XPNPEP1: variants seen among roughly 807,000 people sequenced by gnomAD.
XPNPEP1 encodes the protein X-prolyl aminopeptidase 1, also known as xaa-Pro aminopeptidase 1.
In XPNPEP1, 39 loss-of-function variants were observed where a neutral mutation model predicts 92.4. The observed-to-expected ratio is 0.42, with a 90% CI of 0.33 to 0.55. The LOEUF (loss-of-function observed/expected upper bound fraction) is 0.55. Ranked by LOEUF, XPNPEP1 falls within the 20% of genes least tolerant of loss-of-function variation. The pLI is 0.08. For missense variants in XPNPEP1, 654 were observed against 856.1 expected (o/e 0.76, Z 2.95); for synonymous variants, 307 against 299.4 (o/e 1.03, Z -0.26).
intron 5 of XPNPEP1, among the ~76,000 whole-genome samples, chr10:109,890,550 T>TGTG (rs1589588115): frequency 9.7e-6 from 1 of 103,082 alleles, no homozygotes; most frequent in East Asian, 2.6e-4. Flanking sequence ...ATGCCTGCCT[T>TGTG]TGTGTGTGTG....
intron 7 of XPNPEP1, 76 bp downstream of exon 7, chr10:109,887,973 G>A (rs1294739429): frequency 6.4e-7 from 1 of 1,566,846 alleles, no homozygotes; most frequent in Middle Eastern, 2.1e-4. Flanking sequence ...GGATTCGGAG[G>A]ACGAGGCTGG....
chr10:109,883,363 T>C (rs534644344), intron 9 of XPNPEP1, among the ~76,000 whole-genome samples: 77 of 152,186 alleles, frequency 5.1e-4, no homozygotes, highest in Middle Eastern at 3.4e-3. Flanking sequence ...CCTTACTCTC[T>C]GCTTCAAAAT....
chr10:109,882,468 G>C lies in XPNPEP1; in HGVS notation c.1005C>G (p.Asp335Glu). 6.2e-7 allele frequency: 1 copy of C among 1,614,178 alleles called. No individual in the cohort carries two copies. Among genetic ancestry groups the C allele is most frequent in the Non-Finnish European group, 8.5e-7 (1 of 1,180,008 alleles). ...LSPREKVWVS[D>E]KASYAVSETI... ...TCTCGCTCACAGCATAGCTGGCCTTGTCACTGACCCACACCTTCTCCCTTG... is the reference window on the plus strand; with the variant it reads ...TCTCGCTCACAGCATAGCTGGCCTTCTCACTGACCCACACCTTCTCCCTTG... Residue 335 changes from aspartate (D) to glutamate (E), a missense_variant, in exon 10 of 21, where the codon GAC (aspartate) becomes GAG (glutamate). Transcript: ENST00000502935.
At chr10:109,892,679 T>C (rs1280742914) in intron 4 of XPNPEP1, 1 of 228,094 alleles carries the variant, frequency 4.4e-6, no homozygotes, top group Non-Finnish European at 8.7e-6. Context: ...GTCTCATTTC[T>C]TATTTGGGGT....
chr10:109,871,782 C>T lies in XPNPEP1; in HGVS notation c.1522+10G>A. ...AAAGAGCCTGCCATGTGACAGAATGCACCACCTACCTTTGGTTCCAGTCGG... is the reference window on the plus strand; with the variant it reads ...AAAGAGCCTGCCATGTGACAGAATGTACCACCTACCTTTGGTTCCAGTCGG... On this transcript the variant is annotated intron_variant, in intron 17 of 20. Coordinates refer to ENST00000502935, the MANE Select transcript of XPNPEP1 (RefSeq NM_020383.4). 1 of 1,612,314 alleles carries T rather than the reference C, an allele frequency of 6.2e-7. No homozygotes were observed. Among genetic ancestry groups the T allele is most frequent in the Non-Finnish European group, 8.5e-7 (1 of 1,179,826 alleles).
chr10:109,906,962 T>C (rs1849590110), intron 3 of XPNPEP1, among the ~76,000 whole-genome samples: 1 of 152,200 alleles, frequency 6.6e-6, no homozygotes, highest in Non-Finnish European at 1.5e-5. Context: ...TACCACATTT[T>C]ACCTTACAAT....
chr10:109,884,447 T>C, intron 8 of XPNPEP1: 1 of 328,276 alleles, frequency 3.0e-6, no homozygotes, highest in Non-Finnish European at 5.6e-6. Context: ...GTTGAAATGA[T>C]CCGCCTAGTG....
intron 14 of XPNPEP1, chr10:109,875,907 C>A: frequency 3.9e-6 from 1 of 254,846 alleles, no homozygotes; most frequent in Non-Finnish European, 7.7e-6. Context: ...ATTCTAAAAG[C>A]TAAAAAAATG....
intron 20 of XPNPEP1, among the ~76,000 whole-genome samples, chr10:109,865,974 T>A (rs773425091): frequency 1.3e-4 from 20 of 152,094 alleles, no homozygotes; most frequent in Non-Finnish European, 2.6e-4. Context: ...CCACTAGACA[T>A]GATGGCAAAA....
chr10:109,918,025 G>T (rs1302175772), intron 1 of XPNPEP1, among the ~76,000 whole-genome samples: 2 of 151,534 alleles, frequency 1.3e-5, no homozygotes, highest in Non-Finnish European at 2.9e-5. Context: ...AGGTGGGGTG[G>T]ATCACTTGAG....
rs181310050 is a variant in XPNPEP1 at position 109,902,946 on chromosome 10, T to C, written c.246+4745A>G. Among the ~76,000 whole-genome samples, 5 of 152,304 alleles carry C rather than the reference T, an allele frequency of 3.3e-5. No individual in the cohort carries two copies. The East Asian group carries it at 9.6e-4, about 29-fold the overall frequency. ...GCCTCACTGCCACTCCCAGAAGGAA[T>C]TGCTTCGGGTGTAATAGGCCACACC... On this transcript the variant is annotated intron_variant, in intron 3 of 20. Transcript: ENST00000502935.
In XPNPEP1 at chr10:109,877,840, G is replaced by A. The variant is rs1847867634; in HGVS notation, c.1269C>T (p.Ser423=). Residue 423 remains serine (S), a synonymous_variant, in exon 14 of 21, where the codon AGC becomes AGT. Transcript: ENST00000502935. ...RRQQADFVDL[S]FPTISSTGPN... ...GTCCCGTACTGGAAATTGTTGGGAA[G>A]CTCAGGTCCACAAAGTCTGCCTGTT... The A allele has an allele frequency of 6.2e-7, 1 of 1,614,244 alleles. No homozygotes were observed. The highest frequency in any genetic ancestry group is 2.2e-5 in the East Asian group (1 of 44,884).
intron 3 of XPNPEP1, among the ~76,000 whole-genome samples, chr10:109,905,553 T>C (rs1849515486): frequency 6.6e-6 from 1 of 151,780 alleles, no homozygotes; most frequent in Middle Eastern, 3.4e-3. Context: ...TTGCCAGGGA[T>C]AGGAGGGGAG....
At chr10:109,918,595 A>C (rs1850318819) in intron 1 of XPNPEP1, among the ~76,000 whole-genome samples, 1 of 151,872 alleles carries the variant, frequency 6.6e-6, no homozygotes, top group South Asian at 2.1e-4. Context: ...CCCTGTCTCT[A>C]CTAAAAATAC....
At chr10:109,884,819 G>T (rs932564697) in intron 8 of XPNPEP1, among the ~76,000 whole-genome samples, 1 of 152,232 alleles carries the variant, frequency 6.6e-6, no homozygotes, top group Non-Finnish European at 1.5e-5. Context: ...CCAGGAGAGA[G>T]CACAGTTCTG....
intron 5 of XPNPEP1, 52 bp from the exon 6 acceptor site, chr10:109,888,647 T>C (rs1848537582): frequency 7.1e-7 from 1 of 1,410,474 alleles, no homozygotes; most frequent in African/African-American, 1.4e-5. Context: ...CCACGCTCAT[T>C]ATCCCACCAG....
At position 109,881,023 on chromosome 10, in the gene XPNPEP1, T is replaced by C; in HGVS notation, c.1042-92A>G. 6 of 1,268,008 alleles carry C rather than the reference T, an allele frequency of 4.7e-6. No homozygotes were observed. The Admixed American group carries it at 8.7e-5, about 18-fold the overall frequency. The allele number at this position is 1,268,008 out of a possible 1,614,324, so 78.5% of individuals were successfully genotyped here. ...CCTTTTTGCTCAGCAAAACTTACTT[T>C]AGACAAATCATTTGAAGAGCTCCCA... is the stretch of plus-strand genomic sequence containing the variant. On this transcript the variant is annotated intron_variant, in intron 10 of 20. Coordinates refer to ENST00000502935, the MANE Select transcript of XPNPEP1 (RefSeq NM_020383.4).
chr10:109,916,343 CAAG>C (rs1286804793), intron 1 of XPNPEP1, among the ~76,000 whole-genome samples: 1 of 135,082 alleles, frequency 7.4e-6, no homozygotes, highest in Admixed American at 8.5e-5. Context: ...TGAGGAAAAG[CAAG>C]AAGGTCAGCG....
chr10:109,913,440 G>C (rs1002869209), intron 2 of XPNPEP1, among the ~76,000 whole-genome samples: 1 of 152,208 alleles, frequency 6.6e-6, no homozygotes, highest in African/African-American at 2.4e-5. Flanking sequence ...CTTAACACGG[G>C]CACAGATGCT....
Sources: allele counts gnomAD v4.1 joint callset (sites outside exome capture counted in the v4.1 genomes callset), GRCh38; gene constraint gnomAD v4.1.1; transcripts MANE v1.5; gene names NCBI Gene and HGNC (gene_info 2026-07-23, HGNC 2026-07-21).